The following ASB3 variants were observed in gnomAD, a reference collection of about 807,000 sequenced individuals.
ASB3 encodes ankyrin repeat and SOCS box protein 3.
A neutral mutation model predicts 54.5 loss-of-function variants in ASB3; 41 were observed. That is an observed-to-expected ratio of 0.75 (90% CI 0.59 to 0.98). The LOEUF (loss-of-function observed/expected upper bound fraction) is 0.98. Ranked by LOEUF, ASB3 falls within the 50% of genes least tolerant of loss-of-function variation. The pLI is 0.00. For missense variants in ASB3, 733 were observed against 620.0 expected, an observed-to-expected ratio of 1.18 and a Z score of -1.94; for synonymous variants, 266 against 221.2, an observed-to-expected ratio of 1.20 and a Z score of -1.80.
intron 8 of ASB3, among the ~76,000 whole-genome samples, chr2:53,696,613 G>A (rs987246647): frequency 3.9e-5 from 6 of 152,138 alleles, no homozygotes; most frequent in African/African-American, 1.4e-4. Context: ...TTAGGCAAGG[G>A]ATTAAGGATT....
At chr2:53,786,161 T>G (rs959438447) in intron 1 of ASB3, 6 of 152,096 alleles carry the variant, frequency 3.9e-5, no homozygotes, top group African/African-American at 1.4e-4. Context: ...GACAATGGCA[T>G]TTTTTCTAAA....
chr2:53,678,073 A>T (rs761688540), intron 9 of ASB3, among the ~76,000 whole-genome samples: 6 of 152,156 alleles, frequency 3.9e-5, no homozygotes, highest in Non-Finnish European at 8.8e-5. Flanking sequence ...TATACCTACC[A>T]TAATGAAGTG....
chr2:53,784,530 G>T (rs572468304), intron 1 of ASB3, among the ~76,000 whole-genome samples: 1 of 152,330 alleles, frequency 6.6e-6, no homozygotes, highest in South Asian at 2.1e-4. Context: ...GATGTCAGCA[G>T]GGCTATTCTC....
intron 7 of ASB3, among the ~76,000 whole-genome samples, chr2:53,701,295 C>A (rs945346542): frequency 6.6e-6 from 1 of 151,996 alleles, no homozygotes; most frequent in Non-Finnish European, 1.5e-5. Flanking sequence ...AATTTAAAAA[C>A]TTTTTTAATT....
At chr2:53,752,508 A>C (rs1327529138) in intron 2 of ASB3, among the ~76,000 whole-genome samples, 4 of 152,218 alleles carry the variant, frequency 2.6e-5, no homozygotes, top group African/African-American at 4.8e-5. Flanking sequence ...CCATTCTTCC[A>C]GTGCACAGGC....
chr2:53,774,079 A>G, intron 1 of ASB3: 1 of 1,458,754 alleles, frequency 6.9e-7, no homozygotes, highest in Non-Finnish European at 9.3e-7. Flanking sequence ...TTAGATCACA[A>G]CCTTTCTTCA....
At chr2:53,699,281 C>T (rs956184445) in intron 8 of ASB3, among the ~76,000 whole-genome samples, 2 of 152,210 alleles carry the variant, frequency 1.3e-5, no homozygotes, top group East Asian at 3.8e-4. Flanking sequence ...CAAATATCAT[C>T]AACAAATGAA....
At chr2:53,719,029 T>C (rs192284027) in intron 5 of ASB3, among the ~76,000 whole-genome samples, 42 of 152,288 alleles carry the variant, frequency 2.8e-4, no homozygotes, top group Non-Finnish European at 5.6e-4. Flanking sequence ...CAAGCAATTC[T>C]CCTGCCTCAG....
intron 9 of ASB3, among the ~76,000 whole-genome samples, chr2:53,686,277 C>T (rs1211915406): frequency 6.6e-6 from 1 of 152,098 alleles, no homozygotes; most frequent in Non-Finnish European, 1.5e-5. Flanking sequence ...TCAGGCCAAC[C>T]ATGAAAGACA....
At chr2:53,686,927 T>C (rs1043430008) in intron 9 of ASB3, among the ~76,000 whole-genome samples, 1 of 152,022 alleles carries the variant, frequency 6.6e-6, no homozygotes, top group African/African-American at 2.4e-5. Context: ...TCCATGTTTG[T>C]CAGGCTGGTC....
intron 3 of ASB3, among the ~76,000 whole-genome samples, chr2:53,750,042 A>G (rs1034779315): frequency 6.6e-6 from 1 of 152,118 alleles, no homozygotes; most frequent in African/African-American, 2.4e-5. Flanking sequence ...TATTACTCTC[A>G]TTTTATAAGT....
chr2:53,743,945 A>C (rs948889460), intron 3 of ASB3, among the ~76,000 whole-genome samples: 1 of 152,020 alleles, frequency 6.6e-6, no homozygotes, highest in African/African-American at 2.4e-5. Context: ...CGGGAGGCTA[A>C]GGCACAAGAA....
At chr2:53,739,544 G>A (rs905225549) in intron 3 of ASB3, among the ~76,000 whole-genome samples, 3 of 152,102 alleles carry the variant, frequency 2.0e-5, no homozygotes, top group Non-Finnish European at 4.4e-5. Context: ...TGCTTAATGT[G>A]ACTATGAGTT....
chr2:53,738,648 A>T (rs1051120142), intron 3 of ASB3, among the ~76,000 whole-genome samples: 1 of 152,324 alleles, frequency 6.6e-6, no homozygotes, highest in Admixed American at 6.5e-5. Flanking sequence ...CCTGTCTTCA[A>T]GATACCCATT....
intron 1 of ASB3, chr2:53,768,136 A>T: frequency 8.2e-7 from 1 of 1,223,530 alleles, no homozygotes; most frequent in Middle Eastern, 2.6e-4. Flanking sequence ...GGGCCAAAGC[A>T]CATGGCTTGG....
chr2:53,727,109 C>T (rs757105727), intron 5 of ASB3, among the ~76,000 whole-genome samples: 1 of 152,164 alleles, frequency 6.6e-6, no homozygotes, highest in South Asian at 2.1e-4. Flanking sequence ...TGCCAGGAAA[C>T]GAGTCTAGAT....
At chr2:53,722,998 G>T (rs1670791878) in intron 5 of ASB3, among the ~76,000 whole-genome samples, 1 of 151,930 alleles carries the variant, frequency 6.6e-6, no homozygotes, top group Non-Finnish European at 1.5e-5. Flanking sequence ...AAAATTTCAG[G>T]TTACAAAATC....
intron 6 of ASB3, 39 bp from the exon 7 acceptor site, chr2:53,714,620 T>A: frequency 6.2e-7 from 1 of 1,601,068 alleles, no homozygotes; most frequent in Middle Eastern, 1.7e-4. Flanking sequence ...AGTGTTTGTA[T>A]ATGTGCATAA....
chr2:53,717,886 T>A (rs982296464), intron 5 of ASB3, among the ~76,000 whole-genome samples: 1 of 152,086 alleles, frequency 6.6e-6, no homozygotes, highest in Non-Finnish European at 1.5e-5. Context: ...ACTTAAGGAA[T>A]TTCAAAATAT....
Sources: gnomAD v4.1 joint callset for allele counts (sites outside exome capture counted in the v4.1 genomes callset) on GRCh38, gnomAD v4.1.1 for gene constraint, MANE v1.5 for transcripts, NCBI Gene and HGNC (gene_info 2026-07-23, HGNC 2026-07-21) for gene names.